The following KCNT2 variants were observed in gnomAD, a reference collection of about 807,000 sequenced individuals.
The protein encoded by KCNT2 is potassium sodium-activated channel subfamily T member 2, also known as potassium channel subfamily T member 2.
KCNT2 carries 67 observed loss-of-function variants against 153.8 expected under a neutral mutation model. The observed-to-expected ratio is 0.44, with a 90% confidence interval of 0.36 to 0.53. The LOEUF (loss-of-function observed/expected upper bound fraction) is 0.53, where lower values mean the gene tolerates loss of function less well. Ranked by LOEUF, KCNT2 falls within the 20% of genes least tolerant of loss-of-function variation. The pLI is 0.00. For synonymous variants in KCNT2, 500 were observed against 458.8 expected (o/e 1.09, Z -1.15); for missense variants, 975 against 1,354.8 (o/e 0.72, Z 4.40).
chr1:196,294,197 A>G lies in KCNT2; in HGVS notation c.2596-8439T>C, dbSNP rs547060145. Among the ~76,000 whole-genome samples the G allele has an allele frequency of 5.9e-5, 9 of 152,336 alleles. 1 individual carries two copies. In the South Asian group the frequency reaches 1.4e-3, roughly 25 times the overall value. On this transcript the variant is annotated intron_variant, in intron 22 of 27. Coordinates refer to ENST00000294725, the MANE Select transcript of KCNT2 (RefSeq NM_198503.5). ...GAATGGCTACTATCAAAAAGACAAAATAAGTGTTAGCCAGAGGAGTGGAGC... is the reference window on the plus strand; with the variant it reads ...GAATGGCTACTATCAAAAAGACAAAGTAAGTGTTAGCCAGAGGAGTGGAGC...
chr1:196,497,407 G>A (rs536009800), intron 1 of KCNT2, among the ~76,000 whole-genome samples: 4 of 151,794 alleles, frequency 2.6e-5, no homozygotes, highest in Admixed American at 2.6e-4. Context: ...TTATTCTTTA[G>A]GCAATACAGT....
At chr1:196,563,438 C>CAAAAAAA (rs1157847804) in intron 1 of KCNT2, among the ~76,000 whole-genome samples, 8 of 58,520 alleles carry the variant, frequency 1.4e-4, no homozygotes, top group East Asian at 4.9e-4. Flanking sequence ...TCCCCAATAA[C>CAAAAAAA]AAAAAAAAAA....
intron 19 of KCNT2, among the ~76,000 whole-genome samples, chr1:196,323,476 C>T (rs537753286): frequency 2.0e-5 from 3 of 151,834 alleles, no homozygotes; most frequent in Non-Finnish European, 4.4e-5. Flanking sequence ...ACAGACCAAA[C>T]AGAACAGATG....
chr1:196,522,831 CACCAATCAGCACTCTGTAAAATGG>C (rs1198848725), intron 1 of KCNT2, among the ~76,000 whole-genome samples: 1 of 152,072 alleles, frequency 6.6e-6, no homozygotes, highest in African/African-American at 2.4e-5. Context: ...ATTGTAAATG[CACCAATCAGCACTCTGTAAAATGG>C]ACCAATCAGC....
intron 27 of KCNT2, among the ~76,000 whole-genome samples, chr1:196,234,445 T>C (rs551875528): frequency 6.6e-6 from 1 of 151,432 alleles, no homozygotes; most frequent in Admixed American, 6.6e-5. Context: ...TTTTCTGCCT[T>C]CATAAATCTA....
intron 1 of KCNT2, among the ~76,000 whole-genome samples, chr1:196,554,201 C>T (rs1236952122): frequency 3.3e-5 from 5 of 150,272 alleles, no homozygotes; most frequent in Non-Finnish European, 7.4e-5. Flanking sequence ...ATGAACAATA[C>T]AAAAGATGAA....
At chr1:196,538,735 T>G (rs925430145) in intron 1 of KCNT2, among the ~76,000 whole-genome samples, 1 of 152,170 alleles carries the variant, frequency 6.6e-6, no homozygotes, top group Non-Finnish European at 1.5e-5. Context: ...TACTCCTGAC[T>G]AAAGCATAGC....
At chr1:196,492,195 T>C in intron 2 of KCNT2, 67 bp downstream of exon 2, 1 of 1,336,092 alleles carries the variant, frequency 7.5e-7, no homozygotes, top group Non-Finnish European at 9.8e-7. Context: ...TTGCAAAAGA[T>C]CACACAGTTG....
chr1:196,371,367 T>A (rs1668519047), intron 14 of KCNT2, among the ~76,000 whole-genome samples: 1 of 151,432 alleles, frequency 6.6e-6, no homozygotes, highest in Non-Finnish European at 1.5e-5. Flanking sequence ...GGGGAAAATG[T>A]AGGGTGATGC....
intron 14 of KCNT2, among the ~76,000 whole-genome samples, chr1:196,352,287 T>C (rs1666780177): frequency 6.6e-6 from 1 of 151,854 alleles, no homozygotes; most frequent in African/African-American, 2.4e-5. Flanking sequence ...ATGGTACCAG[T>C]TGCTCCTTGT....
intron 2 of KCNT2, 48 bp downstream of exon 2, chr1:196,492,214 T>G (rs774006483): frequency 1.5e-6 from 2 of 1,357,774 alleles, no homozygotes; most frequent in Admixed American, 3.7e-5. Context: ...TGAAATATTT[T>G]GAAGTAAATA....
At chr1:196,277,463 G>T (rs960045419) in intron 25 of KCNT2, among the ~76,000 whole-genome samples, 3 of 152,156 alleles carry the variant, frequency 2.0e-5, no homozygotes, top group Admixed American at 1.3e-4. Flanking sequence ...AATTCAGTGT[G>T]ATACTCCTAG....
At chr1:196,426,390 T>C (rs750762959) in intron 10 of KCNT2, among the ~76,000 whole-genome samples, 42 of 152,140 alleles carry the variant, frequency 2.8e-4, no homozygotes, top group Non-Finnish European at 5.4e-4. Context: ...AGGATCAAAA[T>C]TGTGATAGCG....
At chr1:196,489,536 C>T (rs954023887) in intron 3 of KCNT2, among the ~76,000 whole-genome samples, 6 of 151,890 alleles carry the variant, frequency 4.0e-5, no homozygotes, top group Admixed American at 3.9e-4. Flanking sequence ...AAATTGCATT[C>T]GGGTCTTTAA....
At chr1:196,309,145 C>T (rs1004903377) in intron 21 of KCNT2, among the ~76,000 whole-genome samples, 1 of 151,790 alleles carries the variant, frequency 6.6e-6, no homozygotes, top group African/African-American at 2.4e-5. Context: ...TTATGAAGAA[C>T]ATTTAGGACA....
chr1:196,281,420 A>G (rs1659083633), intron 24 of KCNT2, among the ~76,000 whole-genome samples: 1 of 152,188 alleles, frequency 6.6e-6, no homozygotes. Flanking sequence ...TGACACTGGT[A>G]TTTAATGTAC....
At chr1:196,418,904 C>A (rs1280486380) in intron 12 of KCNT2, among the ~76,000 whole-genome samples, 1 of 152,062 alleles carries the variant, frequency 6.6e-6, no homozygotes, top group Non-Finnish European at 1.5e-5. Flanking sequence ...TCAGGTAACG[C>A]CAGCTTGGTC....
At chr1:196,334,518 A>G (rs1484335558) in intron 16 of KCNT2, among the ~76,000 whole-genome samples, 1 of 38,900 alleles carries the variant, frequency 2.6e-5, no homozygotes, top group African/African-American at 1.1e-4. Context: ...GTCTCGCTCC[A>G]GGCTGGAGTG....
chr1:196,308,652 A>G (rs964344663), intron 21 of KCNT2, among the ~76,000 whole-genome samples: 1 of 152,038 alleles, frequency 6.6e-6, no homozygotes, highest in South Asian at 2.1e-4. Flanking sequence ...TTTATAGATG[A>G]GGAAACTGAG....
Sources: allele counts gnomAD v4.1 joint callset (sites outside exome capture counted in the v4.1 genomes callset), GRCh38; gene constraint gnomAD v4.1.1; transcripts MANE v1.5; gene names NCBI Gene and HGNC (gene_info 2026-07-23, HGNC 2026-07-21).